RPS6KB1: variants seen among roughly 807,000 people sequenced by gnomAD.
RPS6KB1 encodes the protein ribosomal protein S6 kinase beta-1.
Under a neutral mutation model 70.2 loss-of-function variants are expected in RPS6KB1, and 12 were observed. The observed-to-expected ratio is 0.17, with a 90% CI of 0.11 to 0.28. The LOEUF (loss-of-function observed/expected upper bound fraction) is 0.28, where lower values mean the gene tolerates loss of function less well. RPS6KB1 is among the 10% of genes least tolerant of loss of function. The pLI is 1.00. For missense variants in RPS6KB1, 270 were observed against 646.6 expected (o/e 0.42, Z 6.32); for synonymous variants, 175 against 211.2 (o/e 0.83, Z 1.49).
chr17:59,918,152 C>T (rs1356604957), intron 4 of RPS6KB1, among the ~76,000 whole-genome samples: 1 of 151,822 alleles, frequency 6.6e-6, no homozygotes, highest in African/African-American at 2.4e-5. Context: ...AGGCTGGTTT[C>T]GAACTCCTGA....
Position 59,926,479 on chromosome 17 carries a change from A to G in RPS6KB1, c.426A>G (p.Ala142=). 2 of 1,611,776 alleles carry G rather than the reference A, an allele frequency of 1.2e-6. No homozygotes were observed. Among genetic ancestry groups the G allele is most frequent in the Non-Finnish European group, 1.7e-6 (2 of 1,178,052 alleles). Residue 142 remains alanine, a synonymous_variant, in exon 5 of 15, where the codon GCA becomes GCG. Coordinates refer to ENST00000225577, the MANE Select transcript of RPS6KB1 (RefSeq NM_003161.4). ...CTAAAGATACAGCTCATACAAAAGC[A>G]GAACGGAATATTCTGGAGGAAGTAA... is the stretch of plus-strand genomic sequence containing the variant. ...RNAKDTAHTK[A]ERNILEEVKH...
intron 1 of RPS6KB1, among the ~76,000 whole-genome samples, chr17:59,898,152 A>G (rs2144663100): frequency 6.6e-6 from 1 of 152,216 alleles, no homozygotes; most frequent in South Asian, 2.1e-4. Context: ...TTAGATTGCA[A>G]AAATGTTGGA....
Position 59,893,396 on chromosome 17 carries a change from T to A in RPS6KB1, c.141+71T>A. 2.7e-6 allele frequency: 4 copies of A among 1,483,650 alleles called. No homozygotes were observed. The highest frequency in any genetic ancestry group is 3.7e-6 in the Non-Finnish European group (4 of 1,088,466). 91.9% of individuals were successfully genotyped at this position (1,483,650 alleles called of 1,614,324 possible). Reference sequence around the variant, plus strand: ...GGCGGCGCGGGCTCAGGAAGCGCGGTGTGTCCTAGAGCGTGGAGACCCAGG... The same window carrying A: ...GGCGGCGCGGGCTCAGGAAGCGCGGAGTGTCCTAGAGCGTGGAGACCCAGG... On this transcript the variant is annotated intron_variant, in intron 1 of 14. Transcript: ENST00000225577. The surrounding 1 kb of genome is among the most constrained non-coding windows in gnomAD (Gnocchi z 4.1).
intron 1 of RPS6KB1, among the ~76,000 whole-genome samples, chr17:59,903,295 ACT>A (rs2042066831): frequency 6.7e-6 from 1 of 148,684 alleles, no homozygotes; most frequent in Non-Finnish European, 1.5e-5. Flanking sequence ...ACAGAGTGAG[ACT>A]CTGTCTCAAA....
chr17:59,937,472 T>TTA (rs2044310847), intron 12 of RPS6KB1, among the ~76,000 whole-genome samples: 1 of 152,228 alleles, frequency 6.6e-6, no homozygotes, highest in African/African-American at 2.4e-5. Context: ...CTAGATCACA[T>TTA]TGTTAGAGTT....
At chr17:59,914,833 A>G in intron 4 of RPS6KB1, 130 bp downstream of exon 4, 1 of 727,666 alleles carries the variant, frequency 1.4e-6, no homozygotes, top group East Asian at 2.7e-5. Context: ...TTGCAGTCAA[A>G]AAAATGTATC....
At chr17:59,919,014 T>C (rs1161240124) in intron 4 of RPS6KB1, among the ~76,000 whole-genome samples, 2 of 151,856 alleles carry the variant, frequency 1.3e-5, no homozygotes, top group African/African-American at 4.8e-5. Flanking sequence ...GCATTTTTAG[T>C]AGTGACAGGG....
intron 2 of RPS6KB1, 134 bp downstream of exon 2, chr17:59,910,745 T>C: frequency 1.6e-6 from 1 of 616,982 alleles, no homozygotes; most frequent in Non-Finnish European, 2.8e-6. Flanking sequence ...ACTCGATGTA[T>C]TGAATTTGGC....
At chr17:59,939,469 G>A (rs1230012586) in intron 12 of RPS6KB1, among the ~76,000 whole-genome samples, 3 of 152,010 alleles carry the variant, frequency 2.0e-5, no homozygotes, top group Non-Finnish European at 4.4e-5. Context: ...TGGTAGAGAC[G>A]GGGTTTTGCC....
chr17:59,917,075 A>G (rs958795595), intron 4 of RPS6KB1, among the ~76,000 whole-genome samples: 2 of 152,098 alleles, frequency 1.3e-5, no homozygotes, highest in Non-Finnish European at 2.9e-5. Context: ...TTTCTGATCT[A>G]AGTTTTTATA....
chr17:59,942,210 G>A (rs1302746309), intron 13 of RPS6KB1, among the ~76,000 whole-genome samples: 1 of 152,188 alleles, frequency 6.6e-6, no homozygotes, highest in East Asian at 1.9e-4. Context: ...CTCCCAAAGT[G>A]TTGGGAATAC....
chr17:59,903,888 G>A (rs1382823565), intron 1 of RPS6KB1, among the ~76,000 whole-genome samples: 1 of 151,854 alleles, frequency 6.6e-6, no homozygotes, highest in Non-Finnish European at 1.5e-5. Flanking sequence ...CAAAAATTGG[G>A]TGTGTCATCT....
In RPS6KB1 at chr17:59,915,044, G is replaced by A. The variant is rs184454107; in HGVS notation, c.381+341G>A. Among the ~76,000 whole-genome samples the A allele has an allele frequency of 5.3e-5, 8 of 150,938 alleles. No homozygotes were observed. The South Asian group carries it at 1.5e-3, about 28-fold the overall frequency. The stretch of plus-strand genomic sequence containing the variant: ...CGCTCTGTCGCCCAGGCTGGAGTGC[G>A]GTGGTGCGATGTCGGCTCACTGCAA... On this transcript the variant is annotated intron_variant, in intron 4 of 14. Coordinates refer to ENST00000225577, the MANE Select transcript of RPS6KB1 (RefSeq NM_003161.4).
chr17:59,948,343 A>AT lies in RPS6KB1; in HGVS notation c.*1555_*1556insT, dbSNP rs1235030373. On this transcript the variant is annotated 3_prime_UTR_variant, in exon 15 of 15. Transcript: ENST00000225577. ...ATCACCTTTTTTGTTTGTCTTTTAT[A>AT]ATGTCTTCAGTCTGAGTGTGCAAAG... 10 of 152,556 alleles carry AT rather than the reference A, an allele frequency of 6.6e-5. No homozygotes were observed. The highest frequency in any genetic ancestry group is 1.2e-4 in the Non-Finnish European group (8 of 68,002). The allele number at this position is 152,556 out of a possible 1,614,324, so 9.5% of individuals were successfully genotyped here. A position where few individuals can be genotyped will look rare whatever the true frequency, so the allele number is the denominator to read the frequency against.
At chr17:59,919,153 T>A (rs1300153840) in intron 4 of RPS6KB1, among the ~76,000 whole-genome samples, 2 of 152,184 alleles carry the variant, frequency 1.3e-5, no homozygotes, top group African/African-American at 4.8e-5. Flanking sequence ...GAAAAGCTGA[T>A]CAGAAGTTCT....
chr17:59,901,565 G>A (rs1156690166), intron 1 of RPS6KB1, among the ~76,000 whole-genome samples: 1 of 147,954 alleles, frequency 6.8e-6, no homozygotes, highest in African/African-American at 2.5e-5. Flanking sequence ...CAAGGCAGAT[G>A]GAGCGCATGA....
Position 59,926,553 on chromosome 17 carries a change from A to G in RPS6KB1, c.500A>G (p.Lys167Arg). Residue 167 changes from lysine (K) to arginine (R), a missense_variant, in exon 5 of 15, where the codon AAA becomes AGA. Coordinates refer to ENST00000225577, the MANE Select transcript of RPS6KB1 (RefSeq NM_003161.4). ...DLIYAFQTGG[K>R]LYLILEYLSG... ...ATTTATGCCTTTCAGACTGGTGGAA[A>G]ACTCTACCTCATCCTTGAGTATCTC... is the stretch of plus-strand genomic sequence containing the variant. 1 of 1,612,402 alleles carries G rather than the reference A, an allele frequency of 6.2e-7. No homozygotes were observed. The highest frequency in any genetic ancestry group is 1.1e-5 in the South Asian group (1 of 90,964).
At chr17:59,941,406 C>T (rs1244265625) in intron 13 of RPS6KB1, among the ~76,000 whole-genome samples, 1 of 150,702 alleles carries the variant, frequency 6.6e-6, no homozygotes, top group Admixed American at 6.6e-5. Context: ...TTCACTGCAG[C>T]CTTGACCTCC....
At chr17:59,900,217 CACACACACACA>C (rs1192774719) in intron 1 of RPS6KB1, among the ~76,000 whole-genome samples, 87 of 136,444 alleles carry the variant, frequency 6.4e-4, no homozygotes, top group Non-Finnish European at 1.0e-3. Flanking sequence ...CACACACACA[CACACACACACA>C]CACCCCTATG....
Sources: allele counts gnomAD v4.1 joint callset (sites outside exome capture counted in the v4.1 genomes callset), GRCh38; gene constraint gnomAD v4.1.1; non-coding constraint Gnocchi (gnomAD v3.1); transcripts MANE v1.5; gene names NCBI Gene and HGNC (gene_info 2026-07-23, HGNC 2026-07-21).